Variants in TSPAN15 observed in about 807,000 individuals in gnomAD.
TSPAN15 encodes tetraspanin 15, also known as tetraspanin-15.
Under a neutral mutation model 34.5 loss-of-function variants are expected in TSPAN15, and 20 were observed. The ratio of observed to expected loss-of-function variants is 0.58; its 90% CI spans 0.41 to 0.84. The LOEUF is 0.84. Ranked by LOEUF, TSPAN15 falls within the 40% of genes least tolerant of loss-of-function variation. TSPAN15 has a pLI of 0.00. For synonymous variants in TSPAN15, 155 were observed against 153.9 expected (o/e 1.01, Z -0.05); for missense variants, 313 against 386.1 (o/e 0.81, Z 1.59).
At chr10:69,482,371 C>T (rs894571579) in intron 1 of TSPAN15, among the ~76,000 whole-genome samples, 2 of 152,200 alleles carry the variant, frequency 1.3e-5, no homozygotes, top group African/African-American at 4.8e-5. Context: ...CTGGGTTCTC[C>T]TAGTGGAAAG....
Position 69,503,552 on chromosome 10 carries a change from G to A in TSPAN15, c.571-886G>A, listed in dbSNP as rs142887119. ...AGCAGCCCACCTAAGGTTGGGCTCT[G>A]CTCCTAAGTGGCAGAGCAAGATCTG... On this transcript the variant is annotated intron_variant, in intron 5 of 7. Transcript: ENST00000373290. Among the ~76,000 whole-genome samples the A allele has an allele frequency of 8.7e-3, 1,328 of 152,312 alleles. 6 individuals are homozygous for A. Among genetic ancestry groups the A allele is most frequent in the Non-Finnish European group, 0.013 (876 of 68,036 alleles).
chr10:69,522,367 C>A, the TSPAN15 span, among the ~76,000 whole-genome samples: 1 of 93,976 alleles, frequency 1.1e-5, no homozygotes, highest in Non-Finnish European at 2.0e-5. Context: ...CAGAGCAAGA[C>A]CTTGTCTCAA....
chr10:69,518,891 C>T, the TSPAN15 span, among the ~76,000 whole-genome samples: 1 of 152,154 alleles, frequency 6.6e-6, no homozygotes, highest in Non-Finnish European at 1.5e-5. Context: ...ATTAGAAACT[C>T]AACTGCCTGT....
Position 69,507,315 on chromosome 10 carries a change from G to A in TSPAN15, c.*337G>A. ...TTTCATCTCTGGCAGTGCCTTGGCG[G>A]TGGTATTCAAGGCAGTTTTGTAGCA... is the stretch of plus-strand genomic sequence containing the variant. On this transcript the variant is annotated 3_prime_UTR_variant, in exon 8 of 8. Coordinates refer to ENST00000373290, the MANE Select transcript of TSPAN15 (RefSeq NM_012339.5). The A allele has an allele frequency of 1.6e-6, 2 of 1,245,596 alleles. No individual in the cohort carries two copies. Among genetic ancestry groups the A allele is most frequent in the Non-Finnish European group, 2.0e-6 (2 of 981,368 alleles). The allele number at this position is 1,245,596 out of a possible 1,614,324, so 77.2% of individuals were successfully genotyped here.
the TSPAN15 span, among the ~76,000 whole-genome samples, chr10:69,512,968 G>C: frequency 1.8e-3 from 281 of 152,264 alleles, 2 homozygotes; most frequent in African/African-American, 6.2e-3. Context: ...AGAATGGCTG[G>C]ATTATATGTA....
chr10:69,549,455 T>G, the TSPAN15 span, among the ~76,000 whole-genome samples: 1 of 152,206 alleles, frequency 6.6e-6, no homozygotes. Context: ...CTTACCACCA[T>G]CTGAGACATG....
chr10:69,452,870 G>T (rs1328220737), intron 1 of TSPAN15, among the ~76,000 whole-genome samples: 1 of 152,172 alleles, frequency 6.6e-6, no homozygotes, highest in Non-Finnish European at 1.5e-5. Context: ...GTCCTCCTTA[G>T]CCCCTTGCTG....
intron 1 of TSPAN15, among the ~76,000 whole-genome samples, chr10:69,462,094 C>T (rs1037304989): frequency 6.6e-6 from 1 of 151,830 alleles, no homozygotes; most frequent in Non-Finnish European, 1.5e-5. Context: ...GATCCTCCCA[C>T]CTCAGCCTCC....
chr10:69,540,389 ACAGCTTAAAATCCTC>A, the TSPAN15 span, among the ~76,000 whole-genome samples: 8 of 152,172 alleles, frequency 5.3e-5, no homozygotes, highest in African/African-American at 1.9e-4. Context: ...GTGCCCATGC[ACAGCTTAAAATCCTC>A]CCAAGATGAA....
At chr10:69,463,513 A>G (rs1048579198) in intron 1 of TSPAN15, among the ~76,000 whole-genome samples, 2 of 152,190 alleles carry the variant, frequency 1.3e-5, no homozygotes, top group African/African-American at 2.4e-5. Flanking sequence ...GGCCTCATCA[A>G]AAAGGTATGT....
chr10:69,543,392 T>C, the TSPAN15 span, among the ~76,000 whole-genome samples: 1 of 152,208 alleles, frequency 6.6e-6, no homozygotes, highest in Non-Finnish European at 1.5e-5. Flanking sequence ...CCCATCCATG[T>C]GCCCAATGCC....
chr10:69,525,864 T>G, the TSPAN15 span, among the ~76,000 whole-genome samples: 1 of 143,682 alleles, frequency 7.0e-6, no homozygotes, highest in Admixed American at 7.2e-5. Context: ...GAAACACTGA[T>G]GATTAACACT....
chr10:69,480,816 G>C (rs1328355085), intron 1 of TSPAN15, among the ~76,000 whole-genome samples: 4 of 152,148 alleles, frequency 2.6e-5, no homozygotes, highest in Admixed American at 2.6e-4. Context: ...TCCTGCCTCA[G>C]CTTCCCAAGT....
intron 1 of TSPAN15, among the ~76,000 whole-genome samples, chr10:69,481,557 G>A (rs1343012055): frequency 2.6e-5 from 4 of 152,200 alleles, no homozygotes; most frequent in Non-Finnish European, 4.4e-5. Context: ...AGGAGGTCAC[G>A]GGCATCTGCT....
the TSPAN15 span, among the ~76,000 whole-genome samples, chr10:69,540,553 TGTG>T: frequency 6.6e-6 from 1 of 152,080 alleles, no homozygotes; most frequent in African/African-American, 2.4e-5. Flanking sequence ...AGCGACAAAA[TGTG>T]GTGGGAGGGT....
chr10:69,542,123 C>A, the TSPAN15 span, among the ~76,000 whole-genome samples: 2 of 152,100 alleles, frequency 1.3e-5, no homozygotes, highest in Non-Finnish European at 2.9e-5. Flanking sequence ...TGCCAGATAC[C>A]CTAAATTCTC....
intron 1 of TSPAN15, among the ~76,000 whole-genome samples, chr10:69,462,234 T>G (rs1841284456): frequency 6.8e-6 from 1 of 146,406 alleles, no homozygotes; most frequent in African/African-American, 2.5e-5. Context: ...CTCCTGGGCT[T>G]AAGTGATCCA....
chr10:69,543,285 G>A, the TSPAN15 span, among the ~76,000 whole-genome samples: 3,683 of 152,282 alleles, frequency 0.024, 146 homozygotes, highest in African/African-American at 0.084. Context: ...CTGCCCCAGT[G>A]TCAGCCCTTT....
At chr10:69,479,505 A>G (rs1313241012) in intron 1 of TSPAN15, among the ~76,000 whole-genome samples, 1 of 152,218 alleles carries the variant, frequency 6.6e-6, no homozygotes, top group African/African-American at 2.4e-5. Context: ...TTTGGCCCCA[A>G]ATGGGCATGG....
Sources: allele counts gnomAD v4.1 joint callset (sites outside exome capture counted in the v4.1 genomes callset), GRCh38; gene constraint gnomAD v4.1.1; transcripts MANE v1.5; gene names NCBI Gene and HGNC (gene_info 2026-07-23, HGNC 2026-07-21).